Variants in LPIN2 observed in about 807,000 individuals in gnomAD.
The protein encoded by LPIN2 is phosphatidate phosphatase LPIN2.
Under a neutral mutation model 111.4 loss-of-function variants are expected in LPIN2, and 55 were observed. That is an observed-to-expected ratio of 0.49 (90% CI 0.40 to 0.62). The LOEUF (loss-of-function observed/expected upper bound fraction) is 0.62. Among genes scored for constraint, LPIN2 ranks in the 20% least tolerant of loss-of-function variants. The pLI, the probability that LPIN2 is intolerant of heterozygous loss-of-function variation, is 0.00. For missense variants in LPIN2, 992 were observed against 1,112.1 expected, an observed-to-expected ratio of 0.89 and a Z score of 1.54; for synonymous variants, 425 against 414.0, an observed-to-expected ratio of 1.03 and a Z score of -0.32.
chr18:2,992,346 G>C (rs139423482), intron 1 of LPIN2, among the ~76,000 whole-genome samples: 13 of 152,294 alleles, frequency 8.5e-5, no homozygotes, highest in Non-Finnish European at 1.5e-4. Flanking sequence ...TTCCAATTAT[G>C]TGAAATATCT....
intron 4 of LPIN2, among the ~76,000 whole-genome samples, chr18:2,942,406 T>C (rs970618333): frequency 1.3e-5 from 2 of 152,190 alleles, no homozygotes; most frequent in Non-Finnish European, 2.9e-5. Flanking sequence ...CACATCAGCT[T>C]GACCCATCAC....
intron 1 of LPIN2, chr18:2,985,050 GT>G (rs2078168339): frequency 6.6e-6 from 1 of 152,420 alleles, no homozygotes; most frequent in Non-Finnish European, 1.5e-5. Flanking sequence ...TCCTGATAGT[GT>G]TTGTATTGTT....
chr18:2,958,158 C>CAAAAAA (rs1555678271), intron 2 of LPIN2, among the ~76,000 whole-genome samples: 20 of 35,342 alleles, frequency 5.7e-4, no homozygotes, highest in Admixed American at 1.3e-3. Context: ...AAAAAAAAAA[C>CAAAAAA]AACAAAAAAA....
chr18:2,993,198 G>C (rs986722252), intron 1 of LPIN2, among the ~76,000 whole-genome samples: 1 of 150,046 alleles, frequency 6.7e-6, no homozygotes, highest in Non-Finnish European at 1.5e-5. Context: ...AAGGAGAAAG[G>C]AACAAAGAAG....
intron 1 of LPIN2, chr18:2,982,864 C>T: frequency 2.2e-6 from 1 of 449,250 alleles, no homozygotes; most frequent in Non-Finnish European, 4.3e-6. Flanking sequence ...AAACTGCTTG[C>T]AGACACAGTT....
At chr18:2,923,634 C>T in intron 16 of LPIN2, 141 bp downstream of exon 16, 1 of 786,448 alleles carries the variant, frequency 1.3e-6, no homozygotes, top group Non-Finnish European at 2.2e-6. Flanking sequence ...ACACCATCAA[C>T]AGGAAAGGAG....
At position 2,928,743 on chromosome 18, in the gene LPIN2, G is replaced by T. The variant is rs556772338; in HGVS notation, c.1551-83C>A. The T allele has an allele frequency of 6.0e-5, 60 of 993,920 alleles. No homozygotes were observed. In the African/African-American group the frequency reaches 8.7e-4, roughly 14 times the overall value. The allele number at this position is 993,920 out of a possible 1,614,324, so 61.6% of individuals were successfully genotyped here. On this transcript the variant is annotated intron_variant, in intron 10 of 19. Transcript: ENST00000677752. Reference sequence around the variant, plus strand: ...GGGAGGGAATCAGGGAGGGAGGGAGGAGGGAAGTGACATATAAAATTGCTT... The same window carrying T: ...GGGAGGGAATCAGGGAGGGAGGGAGTAGGGAAGTGACATATAAAATTGCTT...
intron 16 of LPIN2, 111 bp from the exon 17 acceptor site, chr18:2,922,310 T>TAAAAC: frequency 7.8e-7 from 1 of 1,280,160 alleles, no homozygotes; most frequent in Non-Finnish European, 1.1e-6. Context: ...AGTCTCACTC[T>TAAAAC]GTTACCCAGG....
intron 1 of LPIN2, among the ~76,000 whole-genome samples, chr18:2,964,064 T>C (rs2077751042): frequency 1.3e-5 from 2 of 151,650 alleles, no homozygotes; most frequent in Non-Finnish European, 2.9e-5. Context: ...AGCAGATCAC[T>C]TGAAGTCAGG....
intron 1 of LPIN2, among the ~76,000 whole-genome samples, chr18:2,978,165 C>G (rs987465453): frequency 6.7e-6 from 1 of 150,118 alleles, no homozygotes; most frequent in Non-Finnish European, 1.5e-5. Context: ...CCAGCCTGGG[C>G]GACAGAGCAA....
intron 3 of LPIN2, among the ~76,000 whole-genome samples, chr18:2,952,156 G>C (rs1042130730): frequency 2.6e-5 from 4 of 152,224 alleles, no homozygotes; most frequent in African/African-American, 9.7e-5. Flanking sequence ...GCAGAACGTG[G>C]TGGCTCACGC....
At chr18:2,975,165 A>G (rs1330130289) in intron 1 of LPIN2, among the ~76,000 whole-genome samples, 1 of 152,170 alleles carries the variant, frequency 6.6e-6, no homozygotes, top group African/African-American at 2.4e-5. Context: ...CAGAGACATG[A>G]CCAGACAAAA....
intron 1 of LPIN2, among the ~76,000 whole-genome samples, chr18:3,007,013 A>AC (rs1426719357): frequency 6.7e-6 from 1 of 150,302 alleles, no homozygotes; most frequent in East Asian, 1.9e-4. Flanking sequence ...AAAAAAAAAA[A>AC]AACAGCATTT....
intron 1 of LPIN2, among the ~76,000 whole-genome samples, chr18:3,000,029 T>TC (rs1567863235): frequency 4.3e-5 from 1 of 23,122 alleles, no homozygotes; most frequent in Non-Finnish European, 2.6e-4. Flanking sequence ...ATCTCTGTTT[T>TC]GTTTTTTTTT....
At chr18:3,005,232 C>G (rs1252892505) in intron 1 of LPIN2, among the ~76,000 whole-genome samples, 5 of 152,004 alleles carry the variant, frequency 3.3e-5, no homozygotes, top group Non-Finnish European at 7.4e-5. Flanking sequence ...TGCCTGTAAT[C>G]CCAGCTACTA....
chr18:2,917,369 G>A lies in LPIN2; in HGVS notation c.*2924C>T, dbSNP rs557814283. The stretch of plus-strand genomic sequence containing the variant: ...ACACGGGAAAACATCGAAATTCCCC[G>A]GAAGTCTGTTTTTGCCAACTTGTAA... On this transcript the variant is annotated 3_prime_UTR_variant, in exon 20 of 20. Transcript: ENST00000677752. 83 of 140,740 alleles carry A rather than the reference G, an allele frequency of 5.9e-4. No individual in the cohort carries two copies. Among genetic ancestry groups the A allele is most frequent in the African/African-American group, 2.4e-3 (73 of 30,860 alleles). The allele number at this position is 140,740 out of a possible 1,614,324, so 8.7% of individuals were successfully genotyped here.
At chr18:2,981,666 C>T (rs2078112583) in intron 1 of LPIN2, among the ~76,000 whole-genome samples, 1 of 152,170 alleles carries the variant, frequency 6.6e-6, no homozygotes, top group South Asian at 2.1e-4. Context: ...ATTTCAAAAG[C>T]AAACTGCCTC....
chr18:2,925,401 A>C lies in LPIN2; in HGVS notation c.1794-33T>G. The stretch of plus-strand genomic sequence containing the variant: ...ACATTAGCCCAGTTACGGAAGAGGC[A>C]GCAGGGCATTTTATTGATGAGAGCT... On this transcript the variant is annotated intron_variant, in intron 13 of 19. Coordinates refer to ENST00000677752, the MANE Select transcript of LPIN2 (RefSeq NM_001375808.2). The surrounding 1 kb of genome is among the most constrained non-coding windows in gnomAD (Gnocchi z 4.1). 6.2e-7 allele frequency: 1 copy of C among 1,613,870 alleles called. No homozygotes were observed. The highest frequency in any genetic ancestry group is 8.5e-7 in the Non-Finnish European group (1 of 1,179,880).
At position 2,919,975 on chromosome 18, in the gene LPIN2, GCTT is replaced by G. The variant is rs1598516339; in HGVS notation, c.*315_*317del. The stretch of plus-strand genomic sequence containing the variant: ...TGTTTTGGTCCACTCTTTTTTAGCT[GCTT>G]TTTTCTTCCTTTAAAATGATGCAAT... On this transcript the variant is annotated 3_prime_UTR_variant, in exon 20 of 20. Transcript: ENST00000677752. The G allele has an allele frequency of 1.4e-5, 6 of 433,620 alleles. No homozygotes were observed. Among genetic ancestry groups the G allele is most frequent in the Non-Finnish European group, 2.2e-5 (5 of 231,604 alleles). 26.9% of individuals were successfully genotyped at this position (433,620 alleles called of 1,614,324 possible). A position where few individuals can be genotyped will look rare whatever the true frequency, so the allele number is the denominator to read the frequency against.
Sources: allele counts gnomAD v4.1 joint callset (sites outside exome capture counted in the v4.1 genomes callset), GRCh38; gene constraint gnomAD v4.1.1; non-coding constraint Gnocchi (gnomAD v3.1); transcripts MANE v1.5; gene names NCBI Gene and HGNC (gene_info 2026-07-23, HGNC 2026-07-21).